The following KLHL29 variants were observed in gnomAD, a reference collection of about 807,000 sequenced individuals.
KLHL29 encodes kelch-like protein 29.
In KLHL29, 21 loss-of-function variants were observed where a neutral mutation model predicts 80.4. The ratio of observed to expected loss-of-function variants is 0.26; its 90% CI spans 0.19 to 0.38. The LOEUF is 0.38. KLHL29 is among the 10% of genes least tolerant of loss of function. The pLI is 1.00. For missense variants in KLHL29, 867 were observed against 1,223.9 expected (o/e 0.71, Z 4.35); for synonymous variants, 511 against 526.8 (o/e 0.97, Z 0.41).
intron 3 of KLHL29, among the ~76,000 whole-genome samples, chr2:23,568,609 C>T (rs1329625267): frequency 6.6e-6 from 1 of 152,214 alleles, no homozygotes; most frequent in African/African-American, 2.4e-5. Flanking sequence ...CTAACCTCTT[C>T]CTGAGGCATG....
intron 3 of KLHL29, among the ~76,000 whole-genome samples, chr2:23,594,288 G>A (rs986169425): frequency 7.9e-5 from 12 of 152,130 alleles, no homozygotes; most frequent in African/African-American, 2.7e-4. Flanking sequence ...AGGTGGAGGT[G>A]TCACCATCTG....
intron 3 of KLHL29, among the ~76,000 whole-genome samples, chr2:23,619,377 G>T (rs1669109431): frequency 6.6e-6 from 1 of 152,154 alleles, no homozygotes; most frequent in Admixed American, 6.5e-5. Context: ...TGTTCTCAGA[G>T]GGGTCTGGGG....
In KLHL29 at chr2:23,399,041, G is replaced by A. The variant is rs113350301; in HGVS notation, c.-154+13261G>A. ...GAAAGAAGGCATGAAGATTATGGAG[G>A]CCATGGAGCGCTTTGGGTCCAGGAG... is the stretch of plus-strand genomic sequence containing the variant. On this transcript the variant is annotated intron_variant, in intron 1 of 13. Coordinates refer to ENST00000486442, the MANE Select transcript of KLHL29 (RefSeq NM_052920.2). 2.0e-3 allele frequency among the ~76,000 whole-genome samples: 306 copies of A among 152,336 alleles called. 1 individual carries two copies. The highest frequency in any genetic ancestry group is 7.0e-3 in the African/African-American group (290 of 41,578).
Position 23,680,425 on chromosome 2 carries a change from G to T in KLHL29, c.941-3974G>T, listed in dbSNP as rs187793912. On this transcript the variant is annotated intron_variant, in intron 5 of 13. Coordinates refer to ENST00000486442, the MANE Select transcript of KLHL29 (RefSeq NM_052920.2). The surrounding 1 kb of genome is among the most constrained non-coding windows in gnomAD (Gnocchi z 4.1). The stretch of plus-strand genomic sequence containing the variant: ...ATCTGAGCATGGGGAAGCCACTTCC[G>T]TGAGCAAGGCCAGGGTGTGCAGTCC... 6.6e-6 allele frequency among the ~76,000 whole-genome samples: 1 copy of T among 152,224 alleles called. No individual in the cohort carries two copies. Among genetic ancestry groups the T allele is most frequent in the South Asian group, 2.1e-4 (1 of 4,836 alleles).
chr2:23,455,605 ATT>A (rs397873479), intron 1 of KLHL29, among the ~76,000 whole-genome samples: 13,978 of 105,408 alleles, frequency 0.13, 1,045 homozygotes, highest in African/African-American at 0.31. Context: ...TGGTCTCCTG[ATT>A]TTTTTTTTTT....
chr2:23,430,334 C>A (rs1389738102), intron 1 of KLHL29, among the ~76,000 whole-genome samples: 1 of 152,190 alleles, frequency 6.6e-6, no homozygotes. Context: ...AAGACCTCAT[C>A]CTCTATCCTG....
chr2:23,388,632 A>G (rs899114235), intron 1 of KLHL29, among the ~76,000 whole-genome samples: 10 of 152,180 alleles, frequency 6.6e-5, no homozygotes, highest in African/African-American at 2.2e-4. Flanking sequence ...TAGTTGTGCC[A>G]TCTTTTTCCT....
Position 23,703,879 on chromosome 2 carries a change from G to T in KLHL29, c.2444+16G>T, listed in dbSNP as rs775788027. On this transcript the variant is annotated intron_variant, in intron 13 of 13. Transcript: ENST00000486442. ...AGTTCTGCAGGTGAGAGGCTGCGGC[G>T]CCTTGACTAGGGCTGGGACGGAGGA... is the stretch of plus-strand genomic sequence containing the variant. The T allele has an allele frequency of 2.6e-6, 4 of 1,532,564 alleles. No individual in the cohort carries two copies. In the South Asian group the frequency reaches 4.8e-5, roughly 18 times the overall value. The allele number at this position is 1,532,564 out of a possible 1,614,324, so 94.9% of individuals were successfully genotyped here. A position where few individuals can be genotyped will look rare whatever the true frequency, so the allele number is the denominator to read the frequency against.
At chr2:23,456,643 G>T (rs544758361) in intron 1 of KLHL29, among the ~76,000 whole-genome samples, 6 of 152,384 alleles carry the variant, frequency 3.9e-5, no homozygotes, top group East Asian at 3.9e-4. Context: ...GTAAATGCTC[G>T]CATTGCGTTT....
intron 2 of KLHL29, among the ~76,000 whole-genome samples, chr2:23,501,937 A>G (rs756586530): frequency 5.9e-5 from 9 of 152,166 alleles, no homozygotes; most frequent in Non-Finnish European, 1.0e-4. Context: ...TGTTTTTAAC[A>G]TGCATCTTAA....
At chr2:23,702,146 C>T (rs1027283895) in intron 11 of KLHL29, among the ~76,000 whole-genome samples, 3 of 152,078 alleles carry the variant, frequency 2.0e-5, no homozygotes, top group Non-Finnish European at 2.9e-5. Context: ...TTAACTACCC[C>T]CCACTTCCAG....
chr2:23,604,125 C>G (rs190352390), intron 3 of KLHL29, among the ~76,000 whole-genome samples: 1 of 149,622 alleles, frequency 6.7e-6, no homozygotes, highest in Admixed American at 6.6e-5. Flanking sequence ...CTGGAAGATC[C>G]TTTCTTTTTT....
intron 3 of KLHL29, among the ~76,000 whole-genome samples, chr2:23,636,584 G>A (rs1000742874): frequency 6.6e-6 from 1 of 152,136 alleles, no homozygotes; most frequent in African/African-American, 2.4e-5. Flanking sequence ...CCCTCGAGCT[G>A]TTCATATATT....
At chr2:23,477,948 C>T (rs760569178) in intron 2 of KLHL29, among the ~76,000 whole-genome samples, 7 of 152,192 alleles carry the variant, frequency 4.6e-5, no homozygotes. Context: ...TGCAGGGTGG[C>T]ACATGGCTCT....
At position 23,461,976 on chromosome 2, in the gene KLHL29, AT is replaced by A. The variant is rs10659814; in HGVS notation, c.-153-13571del. ...TGCAAAAGTAATTGCGGTTTTTGCC[AT>A]TTTTTTTTTTTTAATGACAAAAATG... On this transcript the variant is annotated intron_variant, in intron 1 of 13. Transcript: ENST00000486442. 3.2e-3 allele frequency among the ~76,000 whole-genome samples: 450 copies of A among 141,246 alleles called. 3 individuals carry two copies. The highest frequency in any genetic ancestry group is 7.6e-3 in the Admixed American group (109 of 14,290). The allele number at this position is 141,246 out of a possible 152,430, so 92.7% of individuals were successfully genotyped here.
At chr2:23,510,062 C>A (rs1207250259) in intron 2 of KLHL29, among the ~76,000 whole-genome samples, 1 of 152,008 alleles carries the variant, frequency 6.6e-6, no homozygotes, top group Non-Finnish European at 1.5e-5. Flanking sequence ...TCACCCATAC[C>A]CCAGGGAGAA....
At chr2:23,423,227 C>T (rs886688285) in intron 1 of KLHL29, among the ~76,000 whole-genome samples, 5 of 152,202 alleles carry the variant, frequency 3.3e-5, no homozygotes, top group African/African-American at 1.2e-4. Flanking sequence ...GGATGGTTCT[C>T]CCGGCTGCTG....
In KLHL29 at chr2:23,691,864, G is replaced by A. The variant is rs1490088270; in HGVS notation, c.1270G>A (p.Val424Met). 23 of 1,550,126 alleles carry A rather than the reference G, an allele frequency of 1.5e-5. No individual in the cohort carries two copies. Among genetic ancestry groups the A allele is most frequent in the African/African-American group, 8.2e-5 (6 of 73,038 alleles). The change falls in exon 7 of 14, where the codon GTG becomes ATG. Residue 424 changes from valine to methionine, a missense_variant. Around this residue, in one of 2 missense-constraint regions of KLHL29, gnomAD observed 443 missense variants for 767.0 expected, o/e 0.58. Coordinates refer to ENST00000486442, the MANE Select transcript of KLHL29 (RefSeq NM_052920.2). ...GTTCCACACCTTCTGCAAAGTCTGC[G>A]TGTCCTTTCTCGGTGAGCCCGGGGG... ...FQFHTFCKVCVSFLEKQLTAS... is the reference protein window; with the variant it reads ...FQFHTFCKVCMSFLEKQLTAS...
At chr2:23,610,062 T>C (rs1251829752) in intron 3 of KLHL29, among the ~76,000 whole-genome samples, 1 of 152,162 alleles carries the variant, frequency 6.6e-6, no homozygotes, top group Non-Finnish European at 1.5e-5. Context: ...GATCACATGG[T>C]ATCAGAAGCA....
Sources: gnomAD v4.1 joint callset for allele counts (sites outside exome capture counted in the v4.1 genomes callset) on GRCh38, gnomAD v4.1.1 for gene constraint, gnomAD v4.1.1 regional missense constraint, Gnocchi (gnomAD v3.1) non-coding constraint, MANE v1.5 for transcripts, NCBI Gene and HGNC (gene_info 2026-07-23, HGNC 2026-07-21) for gene names.